The following CATSPERT variants were observed in gnomAD, a reference collection of about 807,000 sequenced individuals.
The protein encoded by CATSPERT is cation channel sperm-associated targeting subunit tau.
chr2:201,521,973 G>A, the CATSPERT span, among the ~76,000 whole-genome samples: 3 of 152,028 alleles, frequency 2.0e-5, no homozygotes, highest in Admixed American at 2.0e-4. Context: ...AGGTATAAAA[G>A]GAAAGTACCT....
the CATSPERT span, among the ~76,000 whole-genome samples, chr2:201,597,258 A>G: frequency 6.6e-6 from 1 of 152,118 alleles, no homozygotes; most frequent in African/African-American, 2.4e-5. Flanking sequence ...AGACTCCAAT[A>G]ACTCTGAATT....
At chr2:201,619,120 G>A in the CATSPERT span, 2 of 1,614,136 alleles carry the variant, frequency 1.2e-6, no homozygotes, top group Non-Finnish European at 1.7e-6. Flanking sequence ...TGTCTCTTGG[G>A]GTGGCTCCAT....
At chr2:201,551,832 C>CAGTGAGCTGAGA in the CATSPERT span, among the ~76,000 whole-genome samples, 3 of 151,542 alleles carry the variant, frequency 2.0e-5, no homozygotes, top group Admixed American at 2.0e-4. Context: ...CGCTTTAACC[C>CAGTGAGCTGAGA]GGGAGCCGGA....
At chr2:201,594,852 G>A in the CATSPERT span, among the ~76,000 whole-genome samples, 2 of 152,162 alleles carry the variant, frequency 1.3e-5, no homozygotes, top group Admixed American at 1.3e-4. Context: ...GCACTTCTCT[G>A]TATTGTTTAT....
the CATSPERT span, among the ~76,000 whole-genome samples, chr2:201,568,681 G>A: frequency 6.6e-6 from 1 of 152,180 alleles, no homozygotes; most frequent in Non-Finnish European, 1.5e-5. Flanking sequence ...CGCCATTCCT[G>A]TGTTTTTCAG....
the CATSPERT span, among the ~76,000 whole-genome samples, chr2:201,599,484 A>T: frequency 6.6e-6 from 1 of 152,076 alleles, no homozygotes; most frequent in Non-Finnish European, 1.5e-5. Context: ...TATAACATAC[A>T]TTTTTGTTAG....
chr2:201,497,594 C>T, the CATSPERT span, among the ~76,000 whole-genome samples: 3 of 152,188 alleles, frequency 2.0e-5, no homozygotes, highest in Admixed American at 6.5e-5. Context: ...AAAATGCTTA[C>T]ATTGTTTTCA....
the CATSPERT span, among the ~76,000 whole-genome samples, chr2:201,602,186 T>C: frequency 1.3e-5 from 2 of 152,126 alleles, no homozygotes; most frequent in Non-Finnish European, 2.9e-5. Flanking sequence ...CAATATATAG[T>C]TGAAATTTTT....
the CATSPERT span, among the ~76,000 whole-genome samples, chr2:201,515,218 T>G: frequency 2.2e-5 from 1 of 44,940 alleles, no homozygotes; most frequent in Non-Finnish European, 3.8e-5. Flanking sequence ...TTTTTTTTTT[T>G]TTTTTTTTTT....
At chr2:201,581,982 A>G in the CATSPERT span, 17 of 1,290,906 alleles carry the variant, frequency 1.3e-5, no homozygotes, top group Middle Eastern at 2.1e-4. Flanking sequence ...AAACACATGA[A>G]TTTGAAGGCA....
chr2:201,562,736 T>G, the CATSPERT span, among the ~76,000 whole-genome samples: 1 of 137,498 alleles, frequency 7.3e-6, no homozygotes, highest in Non-Finnish European at 1.6e-5. Context: ...CATGCTGCCT[T>G]CAAGCATCTG....
chr2:201,544,865 C>T, the CATSPERT span, among the ~76,000 whole-genome samples: 2 of 149,258 alleles, frequency 1.3e-5, no homozygotes, highest in Non-Finnish European at 3.0e-5. Context: ...GGCATGGTGG[C>T]GTGTGCCTGT....
chr2:201,526,948 A>T, the CATSPERT span, among the ~76,000 whole-genome samples: 1 of 152,296 alleles, frequency 6.6e-6, no homozygotes, highest in East Asian at 1.9e-4. Context: ...TGCATCCAAA[A>T]AGGAAGTGAA....
At chr2:201,601,296 G>GTGTA in the CATSPERT span, among the ~76,000 whole-genome samples, 4 of 143,968 alleles carry the variant, frequency 2.8e-5, no homozygotes, top group Admixed American at 2.8e-4. Flanking sequence ...GTGTGTGTGT[G>GTGTA]TGTGTGTGTG....
the CATSPERT span, among the ~76,000 whole-genome samples, chr2:201,589,166 A>G: frequency 6.6e-6 from 1 of 152,240 alleles, no homozygotes; most frequent in Non-Finnish European, 1.5e-5. Context: ...TATCATTAAA[A>G]TGGCCATTAC....
At chr2:201,529,891 C>T in the CATSPERT span, among the ~76,000 whole-genome samples, 1 of 151,988 alleles carries the variant, frequency 6.6e-6, no homozygotes, top group Non-Finnish European at 1.5e-5. Context: ...ATATAAGGTA[C>T]ACAAACAACC....
chr2:201,545,646 A>AAAAAAAAG, the CATSPERT span: 2 of 835,982 alleles, frequency 2.4e-6, no homozygotes, highest in Non-Finnish European at 3.4e-6. Flanking sequence ...AAAAAAAAAA[A>AAAAAAAAG]AAAAAAAGAA....
the CATSPERT span, chr2:201,494,281 G>C: frequency 6.5e-7 from 1 of 1,536,950 alleles, no homozygotes; most frequent in Admixed American, 2.0e-5. Flanking sequence ...TAATTTGTCT[G>C]AAAGGTCTTG....
the CATSPERT span, chr2:201,494,641 A>T: frequency 1.2e-5 from 19 of 1,536,796 alleles, no homozygotes; most frequent in Non-Finnish European, 1.7e-5. Flanking sequence ...ATGCTCTATG[A>T]CCTCTGCACC....
Sources: allele counts gnomAD v4.1 joint callset (sites outside exome capture counted in the v4.1 genomes callset), GRCh38; gene constraint gnomAD v4.1.1; transcripts MANE v1.5; gene names NCBI Gene and HGNC (gene_info 2026-07-23, HGNC 2026-07-21).